The following MYBL2 variants were observed in gnomAD, a reference collection of about 807,000 sequenced individuals.
The protein encoded by MYBL2 is MYB proto-oncogene like 2, also known as myb-related protein B.
MYBL2 carries 28 observed loss-of-function variants against 79.9 expected under a neutral mutation model. That is an observed-to-expected ratio of 0.35 (90% CI 0.26 to 0.48). The LOEUF is 0.48. Ranked by LOEUF, MYBL2 falls within the 20% of genes least tolerant of loss-of-function variation. The pLI, the probability that MYBL2 is intolerant of heterozygous loss-of-function variation, is 0.99. For missense variants in MYBL2, 735 were observed against 893.9 expected (o/e 0.82, Z 2.27); for synonymous variants, 378 against 361.2 (o/e 1.05, Z -0.53).
In MYBL2 at chr20:43,702,544, G is replaced by T; in HGVS notation, c.1006G>T (p.Ala336Ser). Reference sequence around the variant, plus strand: ...ATTTGACCTCCCTGAGGAACCATCTGCAGAGGACAGTATCAACAACAGCCT... The same window carrying T: ...ATTTGACCTCCCTGAGGAACCATCTTCAGAGGACAGTATCAACAACAGCCT... ...SKFDLPEEPS[A>S]EDSINNSLVQ... is the part of the protein sequence containing the mutation. Residue 336 changes from alanine (A) to serine (S), a missense_variant, in exon 8 of 14, where the codon GCA becomes TCA. Physicochemically the swap from Ala to Ser is moderately conservative, Grantham distance 99. Coordinates refer to ENST00000217026, the MANE Select transcript of MYBL2 (RefSeq NM_002466.4). The T allele has an allele frequency of 6.2e-7, 1 of 1,613,918 alleles. No individual in the cohort carries two copies. The highest frequency in any genetic ancestry group is 8.5e-7 in the Non-Finnish European group (1 of 1,179,818).
chr20:43,681,755 C>T (rs1302021352), intron 2 of MYBL2, 29 bp from the exon 3 acceptor site: 1 of 1,613,326 alleles, frequency 6.2e-7, no homozygotes, highest in Non-Finnish European at 8.5e-7. Flanking sequence ...CGTATGTGTG[C>T]TGAGCCCCTG....
At chr20:43,696,291 AG>A (rs1354975392) in intron 6 of MYBL2, among the ~76,000 whole-genome samples, 1 of 149,668 alleles carries the variant, frequency 6.7e-6, no homozygotes, top group East Asian at 2.0e-4. Flanking sequence ...CCCAGGCTGG[AG>A]TGCAGTGGTA....
At chr20:43,691,164 A>G (rs1198882352) in intron 5 of MYBL2, among the ~76,000 whole-genome samples, 2 of 152,158 alleles carry the variant, frequency 1.3e-5, no homozygotes, top group Non-Finnish European at 2.9e-5. Flanking sequence ...TGGGAGGTGA[A>G]CAGGCCTTGC....
chr20:43,713,264 G>A (rs1189024843), intron 12 of MYBL2, among the ~76,000 whole-genome samples, 158 bp downstream of exon 12: 1 of 152,148 alleles, frequency 6.6e-6, no homozygotes, highest in Non-Finnish European at 1.5e-5. Flanking sequence ...GCTTCAGTCA[G>A]CAGCTCTGCT....
At position 43,705,368 on chromosome 20, in the gene MYBL2, G is replaced by A. The variant is rs1001547708; in HGVS notation, c.1505+10G>A. On this transcript the variant is annotated intron_variant, in intron 9 of 13. Coordinates refer to ENST00000217026, the MANE Select transcript of MYBL2 (RefSeq NM_002466.4). ...ACCAGAAACATGCTGCGTGAGTGCT[G>A]CAGTGCCCCCAACCTTCGCCGTCCT... 3.1e-6 allele frequency: 5 copies of A among 1,597,990 alleles called. No homozygotes were observed. Among genetic ancestry groups the A allele is most frequent in the South Asian group, 1.1e-5 (1 of 88,992 alleles).
chr20:43,699,163 C>T lies in MYBL2; in HGVS notation c.664-594C>T, dbSNP rs558445799. Among the ~76,000 whole-genome samples the T allele has an allele frequency of 2.4e-4, 37 of 152,194 alleles. No individual in the cohort carries two copies. In the South Asian group the frequency reaches 6.4e-3, roughly 26 times the overall value. On this transcript the variant is annotated intron_variant, in intron 6 of 13. Coordinates refer to ENST00000217026, the MANE Select transcript of MYBL2 (RefSeq NM_002466.4). ...AAGCAATTCTCCTGCCTCAGCCTCC[C>T]GAGTAGCTAGGATTACAGGTGCCTG...
chr20:43,679,761 A>G (rs1011108867), intron 2 of MYBL2, among the ~76,000 whole-genome samples: 28 of 152,144 alleles, frequency 1.8e-4, no homozygotes, highest in Middle Eastern at 3.4e-3. Context: ...AAAAATGAAA[A>G]TTAGCCAGGC....
At chr20:43,704,785 A>C (rs145227017) in intron 8 of MYBL2, among the ~76,000 whole-genome samples, 2,319 of 152,264 alleles carry the variant, frequency 0.015, 67 homozygotes, top group African/African-American at 0.052. Flanking sequence ...ATTTGTGTGA[A>C]GTGCTTAGCA....
At chr20:43,710,683 G>A (rs1987885576) in intron 10 of MYBL2, among the ~76,000 whole-genome samples, 2 of 152,192 alleles carry the variant, frequency 1.3e-5, no homozygotes, top group African/African-American at 4.8e-5. Flanking sequence ...TCCCCCTGCT[G>A]TCTCTCTCCA....
In MYBL2 at chr20:43,699,864, C is replaced by T. The variant is rs199723555; in HGVS notation, c.771C>T (p.Ile257=). The part of the protein sequence containing the change: ...AATTSKEQEP[I]GTDLDAVRTP... ...CCACATCGAAGGAACAGGAGCCCAT[C>T]GGTACAGATCTGGACGCAGTGCGAA... Residue 257 remains isoleucine (I), a synonymous_variant, in exon 7 of 14, where the codon ATC becomes ATT. Coordinates refer to ENST00000217026, the MANE Select transcript of MYBL2 (RefSeq NM_002466.4). The T allele has an allele frequency of 3.2e-5, 51 of 1,614,074 alleles. No individual in the cohort carries two copies. The highest frequency in any genetic ancestry group is 2.3e-4 in the South Asian group (21 of 91,068).
intron 9 of MYBL2, among the ~76,000 whole-genome samples, chr20:43,709,122 G>A (rs952733684): frequency 6.6e-6 from 1 of 152,174 alleles, no homozygotes; most frequent in Admixed American, 6.5e-5. Flanking sequence ...CTAGGAGTTG[G>A]CCTCATCACC....
chr20:43,668,685 G>GTT (rs3091868), intron 1 of MYBL2, among the ~76,000 whole-genome samples: 3,358 of 106,182 alleles, frequency 0.032, 168 homozygotes, highest in African/African-American at 0.1. Flanking sequence ...CCCTGCCCTG[G>GTT]TTTTTTTTTT....
At chr20:43,682,736 C>T (rs1987174114) in intron 3 of MYBL2, 58 bp from the exon 4 acceptor site, 9 of 1,559,716 alleles carry the variant, frequency 5.8e-6, no homozygotes, top group Non-Finnish European at 8.0e-6. Flanking sequence ...AACCAGGCCC[C>T]CAGCCCGAGG....
At chr20:43,709,886 A>G in intron 9 of MYBL2, 77 bp from the exon 10 acceptor site, 1 of 1,193,478 alleles carries the variant, frequency 8.4e-7, no homozygotes, top group Non-Finnish European at 1.2e-6. Flanking sequence ...CACTGGGGGA[A>G]GGTGGAGCCA....
In MYBL2 at chr20:43,685,342, G is replaced by A. The variant is rs544211027; in HGVS notation, c.280-1510G>A. ...ATTACAGGTGCATGCTACCACGCCTGGCTGATTTTTGCATTTTTAGTAGAG... is the reference window on the plus strand; with the variant it reads ...ATTACAGGTGCATGCTACCACGCCTAGCTGATTTTTGCATTTTTAGTAGAG... On this transcript the variant is annotated intron_variant, in intron 4 of 13. Coordinates refer to ENST00000217026, the MANE Select transcript of MYBL2 (RefSeq NM_002466.4). Among the ~76,000 whole-genome samples, 5 of 151,410 alleles carry A rather than the reference G, an allele frequency of 3.3e-5. No individual in the cohort carries two copies. The East Asian group carries it at 8.2e-4, about 25-fold the overall frequency.
At chr20:43,676,166 A>G (rs1987005036) in intron 2 of MYBL2, among the ~76,000 whole-genome samples, 1 of 151,822 alleles carries the variant, frequency 6.6e-6, no homozygotes, top group African/African-American at 2.4e-5. Context: ...TGATCTTCCC[A>G]CTTCAGCCTC....
rs149840592 is a variant in MYBL2 at position 43,682,798 on chromosome 20, G to A, written c.191G>A (p.Arg64His). 1.2e-5 allele frequency: 20 copies of A among 1,613,720 alleles called. No homozygotes were observed. The African/African-American group carries it at 1.6e-4, about 13-fold the overall frequency. ...GTTCTTCTGTTCTTTTCCCAGAACC[G>A]CACTGACCAGCAATGCCAGTACAGG... ...WKFLASHFPN[R>H]TDQQCQYRWL... The change falls in exon 4 of 14, where the codon CGC (arginine) becomes CAC (histidine). Residue 64 changes from arginine to histidine, a missense_variant. Transcript: ENST00000217026.
chr20:43,681,970 A>T, intron 3 of MYBL2, 115 bp downstream of exon 3: 2 of 1,068,162 alleles, frequency 1.9e-6, no homozygotes, highest in South Asian at 1.4e-5. Flanking sequence ...AGCCCCTGAA[A>T]ACAAAACCAA....
intron 1 of MYBL2, among the ~76,000 whole-genome samples, chr20:43,673,315 C>G (rs1325412115): frequency 6.6e-6 from 1 of 151,170 alleles, no homozygotes; most frequent in Non-Finnish European, 1.5e-5. Context: ...AAGAAAGTAG[C>G]TCTTAACCCT....
Sources: gnomAD v4.1 joint callset for allele counts (sites outside exome capture counted in the v4.1 genomes callset) on GRCh38, gnomAD v4.1.1 for gene constraint, MANE v1.5 for transcripts, NCBI Gene and HGNC (gene_info 2026-07-23, HGNC 2026-07-21) for gene names.